The following VAV3 variants were observed in gnomAD, a reference collection of about 807,000 sequenced individuals.
VAV3 encodes vav guanine nucleotide exchange factor 3, also known as guanine nucleotide exchange factor VAV3.
In VAV3, 94 loss-of-function variants were observed where a neutral mutation model predicts 131.2. The observed-to-expected ratio is 0.72, with a 90% CI of 0.61 to 0.85. The LOEUF (loss-of-function observed/expected upper bound fraction) is 0.85. Among genes scored for constraint, VAV3 ranks in the 40% least tolerant of loss-of-function variants. VAV3 has a pLI of 0.00. For missense variants in VAV3, 939 were observed against 1,002.7 expected (o/e 0.94, Z 0.86); for synonymous variants, 349 against 342.0 (o/e 1.02, Z -0.22).
At chr1:107,728,652 T>TATGTATATGTATATGTATA (rs1662026314) in intron 15 of VAV3, among the ~76,000 whole-genome samples, 1 of 149,844 alleles carries the variant, frequency 6.7e-6, no homozygotes, top group African/African-American at 2.4e-5. Flanking sequence ...TGTATATGTA[T>TATGTATATGTATATGTATA]TGTGTAAAAC....
At chr1:107,613,635 A>G (rs1652920342) in intron 21 of VAV3, among the ~76,000 whole-genome samples, 1 of 152,120 alleles carries the variant, frequency 6.6e-6, no homozygotes, top group African/African-American at 2.4e-5. Context: ...TAAAATTCAA[A>G]TATCTGCTAT....
chr1:107,653,940 G>A (rs1029118683), intron 19 of VAV3, among the ~76,000 whole-genome samples: 1 of 152,038 alleles, frequency 6.6e-6, no homozygotes, highest in African/African-American at 2.4e-5. Context: ...ACCATGCTGA[G>A]TTGTGTATTC....
chr1:107,784,612 G>A (rs748660519), intron 2 of VAV3, among the ~76,000 whole-genome samples: 13 of 152,186 alleles, frequency 8.5e-5, no homozygotes, highest in East Asian at 3.9e-4. Context: ...AACATAAGCC[G>A]TGCCAGTGAT....
chr1:107,732,812 C>T (rs1030271320), intron 15 of VAV3, among the ~76,000 whole-genome samples: 3 of 152,288 alleles, frequency 2.0e-5, no homozygotes, highest in Non-Finnish European at 4.4e-5. Context: ...GCAGCAGAAA[C>T]GTTTGCAGAC....
intron 1 of VAV3, among the ~76,000 whole-genome samples, chr1:107,961,208 G>A (rs1179971783): frequency 1.3e-5 from 2 of 152,140 alleles, no homozygotes; most frequent in East Asian, 3.9e-4. Flanking sequence ...CTACTATAAA[G>A]CATAGTATAA....
intron 2 of VAV3, among the ~76,000 whole-genome samples, chr1:107,827,240 G>A (rs1668055369): frequency 6.6e-6 from 1 of 152,134 alleles, no homozygotes; most frequent in African/African-American, 2.4e-5. Flanking sequence ...TACTATTAAG[G>A]AATGGAAAGG....
At chr1:107,909,616 C>T (rs899449008) in intron 1 of VAV3, among the ~76,000 whole-genome samples, 14 of 152,018 alleles carry the variant, frequency 9.2e-5, no homozygotes, top group South Asian at 4.1e-4. Context: ...GGGAAATTTC[C>T]GAAAAACTTA....
chr1:107,680,749 G>A (rs551016287), intron 19 of VAV3, among the ~76,000 whole-genome samples: 2 of 152,194 alleles, frequency 1.3e-5, no homozygotes, highest in East Asian at 1.9e-4. Context: ...CAACAACAAC[G>A]TAAGGTAGGT....
intron 2 of VAV3, among the ~76,000 whole-genome samples, chr1:107,780,632 C>A (rs1665635008): frequency 6.6e-6 from 1 of 152,142 alleles, no homozygotes; most frequent in South Asian, 2.1e-4. Flanking sequence ...TGTCATGCCT[C>A]AGCCTCTCAA....
chr1:107,705,878 A>G (rs930359414), intron 15 of VAV3, among the ~76,000 whole-genome samples: 9 of 152,208 alleles, frequency 5.9e-5, no homozygotes, highest in African/African-American at 1.9e-4. Context: ...ACTCTAACTC[A>G]GGTCTTTGCT....
chr1:107,652,590 T>G (rs1024910003), intron 19 of VAV3, among the ~76,000 whole-genome samples: 3 of 152,196 alleles, frequency 2.0e-5, no homozygotes, highest in Non-Finnish European at 2.9e-5. Flanking sequence ...CATAGTTATC[T>G]GTTTACTTGT....
At chr1:107,887,981 T>A (rs1039480626) in intron 1 of VAV3, among the ~76,000 whole-genome samples, 1 of 149,990 alleles carries the variant, frequency 6.7e-6, no homozygotes, top group Admixed American at 6.7e-5. Flanking sequence ...CCAACCAGGC[T>A]GTTTTGGTTC....
intron 15 of VAV3, among the ~76,000 whole-genome samples, chr1:107,748,452 G>T (rs553220498): frequency 6.4e-4 from 98 of 152,218 alleles, no homozygotes; most frequent in African/African-American, 2.3e-3. Flanking sequence ...GCCACTTAAA[G>T]AAATCAAGCC....
chr1:107,851,062 G>A (rs1240504911), intron 2 of VAV3, among the ~76,000 whole-genome samples: 1 of 151,674 alleles, frequency 6.6e-6, no homozygotes, highest in African/African-American at 2.4e-5. Context: ...GAGAAGAAGT[G>A]CAGAGAAGCA....
chr1:107,962,531 C>A (rs72985487), intron 1 of VAV3, among the ~76,000 whole-genome samples: 16,505 of 152,182 alleles, frequency 0.11, 1,639 homozygotes, highest in African/African-American at 0.27. Context: ...TTCATAAAAT[C>A]ATTTCATAAG....
At chr1:107,789,379 T>C (rs958633854) in intron 2 of VAV3, among the ~76,000 whole-genome samples, 2 of 152,184 alleles carry the variant, frequency 1.3e-5, no homozygotes, top group African/African-American at 4.8e-5. Flanking sequence ...GTGGGGAACA[T>C]GCCATGGATT....
chr1:107,806,051 C>T (rs1271110158), intron 2 of VAV3, among the ~76,000 whole-genome samples: 1 of 152,158 alleles, frequency 6.6e-6, no homozygotes, highest in Non-Finnish European at 1.5e-5. Context: ...TTGGCATCTC[C>T]TTTGGCCAAG....
intron 1 of VAV3, among the ~76,000 whole-genome samples, chr1:107,892,396 C>T (rs1010323587): frequency 7.2e-5 from 11 of 152,170 alleles, no homozygotes; most frequent in African/African-American, 2.7e-4. Context: ...AAAGAGAAGA[C>T]AGGCCTTTTC....
rs764875137 is a variant in VAV3 at position 107,765,141 on chromosome 1, C to G, written c.856G>C (p.Glu286Gln). Reference protein sequence around the residue: ...VIYGQYCSGVESAISSLDYIS... With the variant: ...VIYGQYCSGVQSAISSLDYIS... ...TAGTCTAAACTAGAGATGGCTGACT[C>G]CACTCCACTGCAGTACTGCCCGTAA... The change falls in exon 9 of 27, where the codon GAG (glutamate) becomes CAG (glutamine). Residue 286 changes from glutamate to glutamine, a missense_variant. Physicochemically the swap from Glu to Gln is conservative, Grantham distance 29. Coordinates refer to ENST00000370056, the MANE Select transcript of VAV3 (RefSeq NM_006113.5). 1 of 1,613,404 alleles carries G rather than the reference C, an allele frequency of 6.2e-7. No homozygotes were observed. Among genetic ancestry groups the G allele is most frequent in the Non-Finnish European group, 8.5e-7 (1 of 1,179,544 alleles).
Sources: gnomAD v4.1 joint callset for allele counts (sites outside exome capture counted in the v4.1 genomes callset) on GRCh38, gnomAD v4.1.1 for gene constraint, MANE v1.5 for transcripts, NCBI Gene and HGNC (gene_info 2026-07-23, HGNC 2026-07-21) for gene names.